DSCAM: variants seen among roughly 807,000 people sequenced by gnomAD.
DSCAM encodes DS cell adhesion molecule.
A neutral mutation model predicts 217.7 loss-of-function variants in DSCAM; 47 were observed. That is an observed-to-expected ratio of 0.22 (90% CI 0.17 to 0.28). The LOEUF (loss-of-function observed/expected upper bound fraction) is 0.28. Ranked by LOEUF, DSCAM falls within the 10% of genes least tolerant of loss-of-function variation. The probability of loss-of-function intolerance (pLI) is 1.00; values close to 1 mark genes in which losing one functional copy is unlikely to be tolerated. For missense variants in DSCAM, 2,080 were observed against 2,618.3 expected (o/e 0.79, Z 4.49); for synonymous variants, 1,056 against 1,015.3 (o/e 1.04, Z -0.76).
At chr21:40,507,058 C>T (rs1475879062) in intron 3 of DSCAM, among the ~76,000 whole-genome samples, 2 of 152,134 alleles carry the variant, frequency 1.3e-5, no homozygotes, top group South Asian at 2.1e-4. Context: ...GCAGGCAGAT[C>T]GCAAGGTGAG....
chr21:40,124,817 C>A (rs2090077353), intron 19 of DSCAM, among the ~76,000 whole-genome samples: 1 of 152,178 alleles, frequency 6.6e-6, no homozygotes, highest in South Asian at 2.1e-4. Flanking sequence ...ATGTTGGAGT[C>A]TGTGGTCCTT....
intron 24 of DSCAM, among the ~76,000 whole-genome samples, chr21:40,083,323 G>A (rs1014051925): frequency 2.6e-5 from 4 of 152,212 alleles, no homozygotes; most frequent in Non-Finnish European, 5.9e-5. Context: ...CAGCTACTTG[G>A]GAGGTTGAGG....
chr21:40,274,849 C>T (rs1254179939), intron 11 of DSCAM, among the ~76,000 whole-genome samples: 1 of 152,102 alleles, frequency 6.6e-6, no homozygotes, highest in Non-Finnish European at 1.5e-5. Flanking sequence ...AAATAGTGGA[C>T]TAACTAAAAT....
At chr21:40,489,780 A>G (rs796738971) in intron 3 of DSCAM, among the ~76,000 whole-genome samples, 4 of 142,656 alleles carry the variant, frequency 2.8e-5, no homozygotes, top group African/African-American at 1.1e-4. Context: ...GTCTCAAAAA[A>G]AAAAAAAAAA....
chr21:40,132,462 G>T (rs1220799234), intron 19 of DSCAM, among the ~76,000 whole-genome samples: 1 of 152,178 alleles, frequency 6.6e-6, no homozygotes, highest in Non-Finnish European at 1.5e-5. Flanking sequence ...CTTCCTAATG[G>T]CATTACATTT....
At chr21:40,778,615 A>G (rs2091510790) in intron 1 of DSCAM, among the ~76,000 whole-genome samples, 1 of 152,244 alleles carries the variant, frequency 6.6e-6, no homozygotes, top group Non-Finnish European at 1.5e-5. Context: ...TAAGTACAGT[A>G]AAAGTAAAAA....
intron 3 of DSCAM, among the ~76,000 whole-genome samples, chr21:40,574,674 A>G (rs2076834508): frequency 6.6e-6 from 1 of 151,786 alleles, no homozygotes; most frequent in African/African-American, 2.4e-5. Flanking sequence ...AAGCCAAACA[A>G]TGTCAAAAAA....
chr21:40,233,622 C>T (rs895048684), intron 11 of DSCAM, among the ~76,000 whole-genome samples: 1 of 152,198 alleles, frequency 6.6e-6, no homozygotes, highest in African/African-American at 2.4e-5. Context: ...GACACACTCC[C>T]TCATGCTCAT....
At chr21:40,698,553 A>C (rs73222404) in intron 2 of DSCAM, among the ~76,000 whole-genome samples, 19,277 of 152,064 alleles carry the variant, frequency 0.13, 1,360 homozygotes, top group East Asian at 0.23. Context: ...TGCCTGCCTA[A>C]CAGGCGCCTG....
intron 3 of DSCAM, among the ~76,000 whole-genome samples, chr21:40,486,379 T>C (rs1234182858): frequency 1.3e-5 from 2 of 151,912 alleles, no homozygotes; most frequent in East Asian, 1.9e-4. Flanking sequence ...CCACCAACCA[T>C]TGTAAACTCA....
rs535165538 is a variant in DSCAM, at chr21:40,758,985, C to A, written c.44-50214G>T. On this transcript the variant is annotated intron_variant, in intron 1 of 32. Coordinates refer to ENST00000400454, the MANE Select transcript of DSCAM (RefSeq NM_001389.5). ...TTAATAGATCATCATAAATAAAGAA[C>A]GCAAGTATGCTTGTGACAATCCTTA... Among the ~76,000 whole-genome samples the A allele has an allele frequency of 7.9e-5, 12 of 152,178 alleles. No homozygotes were observed. The East Asian group carries it at 2.1e-3, about 27-fold the overall frequency.
At chr21:40,535,645 G>A (rs1046552409) in intron 3 of DSCAM, among the ~76,000 whole-genome samples, 6 of 152,180 alleles carry the variant, frequency 3.9e-5, no homozygotes, top group African/African-American at 9.7e-5. Context: ...ACTGTGCTAC[G>A]TGCAGAGGAG....
intron 8 of DSCAM, among the ~76,000 whole-genome samples, chr21:40,326,252 T>C (rs959977993): frequency 1.3e-5 from 2 of 152,146 alleles, no homozygotes; most frequent in Non-Finnish European, 2.9e-5. Context: ...AAATTCACCA[T>C]TGGGATTTTT....
chr21:40,514,452 C>A (rs1331497907), intron 3 of DSCAM, among the ~76,000 whole-genome samples: 1 of 152,182 alleles, frequency 6.6e-6, no homozygotes, highest in East Asian at 1.9e-4. Flanking sequence ...CTTAGCACAT[C>A]AGAAAGTCAG....
At chr21:40,529,602 G>A (rs140565197) in intron 3 of DSCAM, among the ~76,000 whole-genome samples, 1 of 152,164 alleles carries the variant, frequency 6.6e-6, no homozygotes, top group Non-Finnish European at 1.5e-5. Context: ...CCTCATATCA[G>A]CACCTGCCTG....
chr21:40,431,047 A>T (rs903599729), intron 3 of DSCAM, among the ~76,000 whole-genome samples: 1 of 152,262 alleles, frequency 6.6e-6, no homozygotes, highest in African/African-American at 2.4e-5. Flanking sequence ...AATATGGAGC[A>T]TCTCTATGTT....
At chr21:40,697,144 T>A (rs2090604519) in intron 2 of DSCAM, among the ~76,000 whole-genome samples, 1 of 152,156 alleles carries the variant, frequency 6.6e-6, no homozygotes, top group East Asian at 1.9e-4. Flanking sequence ...ATCCCATATG[T>A]GAGTGAAAAC....
intron 11 of DSCAM, among the ~76,000 whole-genome samples, chr21:40,263,067 C>T (rs766553131): frequency 2.8e-4 from 43 of 152,032 alleles, no homozygotes; most frequent in Non-Finnish European, 5.1e-4. Context: ...TTTTAAAATG[C>T]CATACAAAAT....
At chr21:40,611,141 C>G (rs531639855) in intron 3 of DSCAM, among the ~76,000 whole-genome samples, 1 of 148,486 alleles carries the variant, frequency 6.7e-6, no homozygotes, top group East Asian at 2.0e-4. Flanking sequence ...TCACTGCAAC[C>G]TCTGCCTCCC....
Sources: gnomAD v4.1 joint callset for allele counts (sites outside exome capture counted in the v4.1 genomes callset) on GRCh38, gnomAD v4.1.1 for gene constraint, MANE v1.5 for transcripts, NCBI Gene and HGNC (gene_info 2026-07-23, HGNC 2026-07-21) for gene names.